TMEM132C: variants seen among roughly 807,000 people sequenced by gnomAD.
TMEM132C encodes protein phosphatase 1, regulatory subunit 152.
TMEM132C carries 29 observed loss-of-function variants against 61.4 expected under a neutral mutation model. That is an observed-to-expected ratio of 0.47 (90% CI 0.35 to 0.64). TMEM132C has a LOEUF of 0.64. Among genes scored for constraint, TMEM132C ranks in the 30% least tolerant of loss-of-function variants. TMEM132C has a pLI of 0.00. For synonymous variants in TMEM132C, 656 were observed against 633.1 expected (o/e 1.04, Z -0.54); for missense variants, 1,408 against 1,476.9 (o/e 0.95, Z 0.76).
intron 2 of TMEM132C, among the ~76,000 whole-genome samples, chr12:128,488,883 C>T (rs1020559537): frequency 3.3e-5 from 5 of 152,028 alleles, no homozygotes; most frequent in African/African-American, 1.2e-4. Flanking sequence ...AACAGAAAAG[C>T]TTTTATAAAT....
At chr12:128,603,760 T>C (rs781607441) in intron 3 of TMEM132C, among the ~76,000 whole-genome samples, 79 of 152,110 alleles carry the variant, frequency 5.2e-4, no homozygotes, top group Non-Finnish European at 7.9e-4. Flanking sequence ...TAGTCACCAG[T>C]AAGGAAAACT....
At chr12:128,293,525 A>G (rs551338841) in intron 1 of TMEM132C, among the ~76,000 whole-genome samples, 158 of 152,306 alleles carry the variant, frequency 1.0e-3, no homozygotes, top group African/African-American at 3.8e-3. Flanking sequence ...AGACAGGATG[A>G]ATCATTTCTT....
chr12:128,477,804 A>T (rs138911799), intron 2 of TMEM132C, among the ~76,000 whole-genome samples: 1 of 152,110 alleles, frequency 6.6e-6, no homozygotes, highest in Non-Finnish European at 1.5e-5. Context: ...TTGGTCTCGA[A>T]CTCCTGACCT....
intron 2 of TMEM132C, among the ~76,000 whole-genome samples, chr12:128,453,076 G>A (rs1001366392): frequency 1.3e-5 from 2 of 152,182 alleles, no homozygotes; most frequent in South Asian, 4.2e-4. Context: ...AATAATAACT[G>A]AAGAAGGAAA....
At chr12:128,629,866 T>C (rs1399177659) in intron 4 of TMEM132C, among the ~76,000 whole-genome samples, 1 of 151,326 alleles carries the variant, frequency 6.6e-6, no homozygotes, top group Non-Finnish European at 1.5e-5. Flanking sequence ...CTCGGGAGAC[T>C]GAGGCAGGAT....
intron 3 of TMEM132C, among the ~76,000 whole-genome samples, chr12:128,551,160 T>C (rs1030819749): frequency 3.9e-5 from 6 of 152,070 alleles, no homozygotes; most frequent in Admixed American, 1.3e-4. Context: ...ATCCTTGTCT[T>C]ATGATCGGCT....
intron 1 of TMEM132C, among the ~76,000 whole-genome samples, chr12:128,365,930 A>G (rs1873853336): frequency 6.6e-6 from 1 of 152,088 alleles, no homozygotes. Context: ...CACGGGGTGA[A>G]AGGAAGGGCC....
chr12:128,537,074 C>T (rs1419165041), intron 2 of TMEM132C, among the ~76,000 whole-genome samples: 1 of 152,168 alleles, frequency 6.6e-6, no homozygotes, highest in Non-Finnish European at 1.5e-5. Flanking sequence ...GTATGCACAG[C>T]TGAGTTTCAT....
chr12:128,365,797 G>C (rs1467753553), intron 1 of TMEM132C, among the ~76,000 whole-genome samples: 1 of 152,124 alleles, frequency 6.6e-6, no homozygotes, highest in Non-Finnish European at 1.5e-5. Flanking sequence ...AAAAACTCCT[G>C]GGCCCCTTGA....
At chr12:128,690,512 C>A (rs1442972398) in intron 5 of TMEM132C, among the ~76,000 whole-genome samples, 2 of 152,022 alleles carry the variant, frequency 1.3e-5, no homozygotes, top group African/African-American at 4.8e-5. Flanking sequence ...TTTATATATT[C>A]GGGAGCAGCC....
At chr12:128,532,364 C>T (rs762336079) in intron 2 of TMEM132C, among the ~76,000 whole-genome samples, 43 of 151,602 alleles carry the variant, frequency 2.8e-4, no homozygotes, top group Non-Finnish European at 4.1e-4. Context: ...GGAGGCCGGG[C>T]GCAGTGGCTC....
intron 6 of TMEM132C, among the ~76,000 whole-genome samples, 188 bp downstream of exon 6, chr12:128,694,222 T>C (rs1304981387): frequency 6.6e-6 from 1 of 152,096 alleles, no homozygotes; most frequent in African/African-American, 2.4e-5. Context: ...ACCCAGGTTG[T>C]CCGCACTCTA....
intron 3 of TMEM132C, among the ~76,000 whole-genome samples, chr12:128,548,186 G>A (rs1442521203): frequency 6.6e-6 from 1 of 152,134 alleles, no homozygotes; most frequent in Non-Finnish European, 1.5e-5. Context: ...GGCACCAAGG[G>A]CCCCCCAATC....
chr12:128,272,114 G>A (rs527951505), intron 1 of TMEM132C, among the ~76,000 whole-genome samples: 4 of 152,286 alleles, frequency 2.6e-5, no homozygotes, highest in South Asian at 2.1e-4. Context: ...ACACAGTCAC[G>A]TAAACATCAC....
At chr12:128,378,171 G>A (rs1874267261) in intron 1 of TMEM132C, among the ~76,000 whole-genome samples, 1 of 151,750 alleles carries the variant, frequency 6.6e-6, no homozygotes, top group Admixed American at 6.6e-5. Flanking sequence ...CTGGAGTGCA[G>A]TGGCGCAATC....
chr12:128,446,226 A>G (rs1363566334), intron 2 of TMEM132C, among the ~76,000 whole-genome samples: 1 of 152,208 alleles, frequency 6.6e-6, no homozygotes, highest in Non-Finnish European at 1.5e-5. Context: ...GGGCAGTGAC[A>G]GTGGGGAAGA....
intron 3 of TMEM132C, among the ~76,000 whole-genome samples, chr12:128,605,064 A>G (rs924854608): frequency 1.3e-5 from 2 of 152,224 alleles, no homozygotes; most frequent in Middle Eastern, 3.4e-3. Flanking sequence ...GATAATACAT[A>G]GATGACAGAT....
intron 2 of TMEM132C, among the ~76,000 whole-genome samples, chr12:128,469,889 TAC>T (rs1305241382): frequency 6.6e-6 from 1 of 152,104 alleles, no homozygotes; most frequent in Non-Finnish European, 1.5e-5. Flanking sequence ...CATATGTATA[TAC>T]ACACACATAA....
At chr12:128,649,752 C>T (rs1218669017) in intron 4 of TMEM132C, among the ~76,000 whole-genome samples, 1 of 152,158 alleles carries the variant, frequency 6.6e-6, no homozygotes, top group East Asian at 1.9e-4. Flanking sequence ...CCATGTGCCA[C>T]CCCAAAGGAC....
Sources: allele counts gnomAD v4.1 joint callset (sites outside exome capture counted in the v4.1 genomes callset), GRCh38; gene constraint gnomAD v4.1.1; transcripts MANE v1.5; gene names NCBI Gene and HGNC (gene_info 2026-07-23, HGNC 2026-07-21).